RNF213: variants seen among roughly 807,000 people sequenced by gnomAD.
RNF213 encodes ring finger protein 213, also known as E3 ubiquitin-protein ligase RNF213.
Under a neutral mutation model 514.4 loss-of-function variants are expected in RNF213, and 341 were observed. The observed-to-expected ratio is 0.66, with a 90% CI of 0.61 to 0.73. RNF213 has a LOEUF of 0.73. RNF213 is among the 30% of genes least tolerant of loss of function. RNF213 has a pLI of 0.00. For synonymous variants in RNF213, 2,655 were observed against 2,658.2 expected (o/e 1.00, Z 0.04); for missense variants, 5,767 against 6,615.6 (o/e 0.87, Z 4.45).
intron 38 of RNF213, chr17:80,360,452 A>G (rs903692320): frequency 5.5e-5 from 29 of 531,600 alleles, no homozygotes; most frequent in Non-Finnish European, 9.5e-5. Flanking sequence ...AGCCTGTGAG[A>G]TGGTTTTTAG....
At chr17:80,365,859 A>G (rs1001532992) in intron 42 of RNF213, among the ~76,000 whole-genome samples, 2 of 152,252 alleles carry the variant, frequency 1.3e-5, no homozygotes, top group African/African-American at 4.8e-5. Flanking sequence ...CCAGGTGCCC[A>G]TAAACCCAAA....
chr17:80,350,268 G>C, intron 30 of RNF213, 33 bp from the exon 31 acceptor site: 1 of 1,291,640 alleles, frequency 7.7e-7, no homozygotes, highest in Non-Finnish European at 1.1e-6. Flanking sequence ...TTAAGACAGA[G>C]AACTCACTTG....
chr17:80,331,573 G>A (rs2046417886), intron 20 of RNF213, among the ~76,000 whole-genome samples: 1 of 151,986 alleles, frequency 6.6e-6, no homozygotes, highest in African/African-American at 2.4e-5. Flanking sequence ...ATTTTTAGTA[G>A]AGACAGGGTT....
rs2078218846 is a variant in RNF213, at chr17:80,343,409, G to C, written c.6183+84G>C. On this transcript the variant is annotated intron_variant, in intron 27 of 67. Coordinates refer to ENST00000582970, the MANE Select transcript of RNF213 (RefSeq NM_001256071.3). This position sits in a 1 kb window ranked among gnomAD's most constrained non-coding sequence, Gnocchi z 4.3. ...TCTGCGTGACTCCTCCCCGTGTATA[G>C]AATTCCTTGTTTCCACACGCACAGT... 2 of 1,219,964 alleles carry C rather than the reference G, an allele frequency of 1.6e-6. No homozygotes were observed. Among genetic ancestry groups the C allele is most frequent in the Admixed American group, 2.0e-5 (1 of 51,256 alleles). 75.6% of individuals were successfully genotyped at this position (1,219,964 alleles called of 1,614,324 possible). A position where few individuals can be genotyped will look rare whatever the true frequency, so the allele number is the denominator to read the frequency against.
At chr17:80,295,123 C>G in intron 9 of RNF213, 120 bp downstream of exon 9, 1 of 1,144,212 alleles carries the variant, frequency 8.7e-7, no homozygotes, top group Non-Finnish European at 1.3e-6. Flanking sequence ...GTAGAACTTT[C>G]CAGCCTTTTC....
chr17:80,338,072 A>T (rs1451363961), intron 25 of RNF213, 75 bp downstream of exon 25: 1 of 1,501,778 alleles, frequency 6.7e-7, no homozygotes. Context: ...CTCCCAAGAA[A>T]ACGGAAAGGA....
rs1402340242 is a variant in RNF213, at chr17:80,364,510, A to G, written c.11828A>G (p.Glu3943Gly). 4 of 1,613,956 alleles carry G rather than the reference A, an allele frequency of 2.5e-6. No homozygotes were observed. In the South Asian group the frequency reaches 4.4e-5, roughly 18 times the overall value. ...CTAGGAACCGAGAGCCGCGTCCCCG[A>G]GTTACAGGGGCTGGTGACCGAGCAC... ...VLLGTESRVP[E>G]LQGLVTEHVF... Residue 3943 changes from glutamate to glycine, a missense_variant, in exon 42 of 68, where the codon GAG becomes GGG. Glu to Gly is a moderately conservative substitution (Grantham distance 98, BLOSUM62 -2). This residue lies in a region of RNF213 where 355 missense variants were observed against 358.0 expected (regional missense o/e 0.99). Coordinates refer to ENST00000582970, the MANE Select transcript of RNF213 (RefSeq NM_001256071.3).
intron 62 of RNF213, 42 bp downstream of exon 62, chr17:80,386,472 A>G: frequency 6.2e-7 from 1 of 1,604,282 alleles, no homozygotes; most frequent in Non-Finnish European, 8.5e-7. Flanking sequence ...TGCTCAGCCC[A>G]GAGTCCCTAA....
intron 15 of RNF213, chr17:80,316,233 C>G (rs148914205): frequency 6.6e-6 from 1 of 152,058 alleles, no homozygotes; most frequent in Non-Finnish European, 1.5e-5. Flanking sequence ...ACCCAGGTGA[C>G]GGAGCGAGAC....
At chr17:80,355,301 A>C in intron 36 of RNF213, 2 of 437,630 alleles carry the variant, frequency 4.6e-6, no homozygotes, top group Admixed American at 2.5e-5. Flanking sequence ...GCAGGAGGGA[A>C]CGTGAGGAAG....
At chr17:80,298,115 C>T (rs965870111) in intron 10 of RNF213, among the ~76,000 whole-genome samples, 14 of 152,126 alleles carry the variant, frequency 9.2e-5, no homozygotes, top group Non-Finnish European at 1.3e-4. Flanking sequence ...TGTGGGGATT[C>T]GGTGAGGGCC....
At position 80,264,785 on chromosome 17, in the gene RNF213, G is replaced by C. The variant is rs1000042528; in HGVS notation, c.97+1007G>C. 6.6e-6 allele frequency among the ~76,000 whole-genome samples: 1 copy of C among 151,994 alleles called. No individual in the cohort carries two copies. Among genetic ancestry groups the C allele is most frequent in the African/African-American group, 2.4e-5 (1 of 41,402 alleles). ...ACTCAGGACAAGCAGGAGCCCTTAC[G>C]GTGGCCACGAGGTCCTACATAGACG... On this transcript the variant is annotated intron_variant, in intron 2 of 67. Transcript: ENST00000582970. The surrounding 1 kb of genome is among the most constrained non-coding windows in gnomAD (Gnocchi z 5.0).
chr17:80,295,114 T>A, intron 9 of RNF213, 111 bp downstream of exon 9: 1 of 1,273,642 alleles, frequency 7.9e-7, no homozygotes, highest in Non-Finnish European at 1.1e-6. Context: ...TGGGAATGTG[T>A]AGAACTTTCC....
chr17:80,287,675 T>A, intron 3 of RNF213, 140 bp from the exon 4 acceptor site: 30 of 470,278 alleles, frequency 6.4e-5, no homozygotes, highest in East Asian at 1.7e-4. Flanking sequence ...TTCCAGGAAA[T>A]TGCAGATTTA....
At chr17:80,291,945 G>C in intron 8 of RNF213, 118 bp downstream of exon 8, 1 of 1,071,994 alleles carries the variant, frequency 9.3e-7, no homozygotes, top group Non-Finnish European at 1.4e-6. Context: ...GGTCCTCTTT[G>C]CTCTGCATTG....
intron 61 of RNF213, 68 bp from the exon 62 acceptor site, chr17:80,386,182 T>G (rs2080228324): frequency 6.7e-7 from 1 of 1,502,866 alleles, no homozygotes; most frequent in Admixed American, 1.7e-5. Flanking sequence ...GCATCCCTCC[T>G]CCCCACGCCT....
intron 25 of RNF213, among the ~76,000 whole-genome samples, chr17:80,338,485 A>G (rs2078051971): frequency 6.6e-6 from 1 of 152,130 alleles, no homozygotes; most frequent in Non-Finnish European, 1.5e-5. Context: ...TACTTTACAA[A>G]TGGTATCCTT....
Position 80,346,499 on chromosome 17 carries a change from C to G in RNF213, c.8164C>G (p.Leu2722Val), listed in dbSNP as rs2078317429. ...ACCGTATGACGACAGCAGGCTGCTT[C>G]TGGATGAAATAACACGGGCACAGGA... is the stretch of plus-strand genomic sequence containing the variant. ...PKPYDDSRLLLDEITRAQDLF... is the reference protein window; with the variant it reads ...PKPYDDSRLLVDEITRAQDLF... Residue 2722 changes from leucine to valine, a missense_variant, in exon 29 of 68, where the codon CTG becomes GTG. Around this residue, in one of 13 missense-constraint regions of RNF213, gnomAD observed 1,377 missense variants for 1,635.2 expected, o/e 0.84. Coordinates refer to ENST00000582970, the MANE Select transcript of RNF213 (RefSeq NM_001256071.3). This position sits in a 1 kb window ranked among gnomAD's most constrained non-coding sequence, Gnocchi z 8.1. The G allele has an allele frequency of 6.8e-6, 11 of 1,613,790 alleles. No individual in the cohort carries two copies. Among genetic ancestry groups the G allele is most frequent in the Non-Finnish European group, 9.3e-6 (11 of 1,180,046 alleles).
chr17:80,367,696 C>A, intron 42 of RNF213, 52 bp from the exon 43 acceptor site: 2 of 1,486,188 alleles, frequency 1.3e-6, no homozygotes, highest in South Asian at 1.1e-5. Context: ...CCCGGCCTGG[C>A]CGCCCTCAGC....
Sources: gnomAD v4.1 joint callset for allele counts (sites outside exome capture counted in the v4.1 genomes callset) on GRCh38, gnomAD v4.1.1 for gene constraint, gnomAD v4.1.1 regional missense constraint, Gnocchi (gnomAD v3.1) non-coding constraint, MANE v1.5 for transcripts, NCBI Gene and HGNC (gene_info 2026-07-23, HGNC 2026-07-21) for gene names.